The following UMODL1 variants were observed in gnomAD, a reference collection of about 807,000 sequenced individuals.
UMODL1 encodes uromodulin like 1.
A neutral mutation model predicts 136.3 loss-of-function variants in UMODL1; 128 were observed. The observed-to-expected ratio is 0.94, with a 90% CI of 0.81 to 1.09. The LOEUF (loss-of-function observed/expected upper bound fraction) is 1.09, where lower values mean the gene tolerates loss of function less well. UMODL1 is among the 50% of genes least tolerant of loss of function. The pLI, the probability that UMODL1 is intolerant of heterozygous loss-of-function variation, is 0.00. For synonymous variants in UMODL1, 721 were observed against 720.0 expected (o/e 1.00, Z -0.02); for missense variants, 1,766 against 1,725.6 (o/e 1.02, Z -0.41).
Position 42,110,935 on chromosome 21 carries a change from C to T in UMODL1, c.1713C>T (p.Val571=), listed in dbSNP as rs753240215. 9.9e-6 allele frequency: 16 copies of T among 1,612,792 alleles called. No homozygotes were observed. The highest frequency in any genetic ancestry group is 8.5e-7 in the Non-Finnish European group (1 of 1,179,744). The change falls in exon 11 of 23, where the codon GTC becomes GTT. Residue 571 remains valine (V), a synonymous_variant. Transcript: ENST00000408910. The part of the protein sequence containing the change: ...GGLSAATGVT[V]PGLGTGTAAL... The stretch of plus-strand genomic sequence containing the variant: ...TGTCTGCGGCAACAGGGGTAACGGT[C>T]CCAGGTCTTGGCACGGGAACAGCAG...
intron 21 of UMODL1, 118 bp downstream of exon 21, chr21:42,129,915 A>G: frequency 1.4e-6 from 1 of 738,392 alleles, no homozygotes. Flanking sequence ...GACTTCTAAG[A>G]GGCTTATCAT....
chr21:42,066,052 C>T (rs2066180482), intron 1 of UMODL1, among the ~76,000 whole-genome samples: 1 of 152,218 alleles, frequency 6.6e-6, no homozygotes, highest in Admixed American at 6.5e-5. Flanking sequence ...GATCGTGGTG[C>T]TAATGCGGTT....
intron 1 of UMODL1, among the ~76,000 whole-genome samples, chr21:42,074,247 C>T (rs922933812): frequency 3.9e-5 from 6 of 152,180 alleles, no homozygotes; most frequent in Non-Finnish European, 7.3e-5. Flanking sequence ...GTAGAAGCAT[C>T]ACCCTGGTCT....
rs780551397 is a variant in UMODL1, at chr21:42,076,215, G to T, written c.287G>T (p.Gly96Val). 1.8e-5 allele frequency: 29 copies of T among 1,614,254 alleles called. No homozygotes were observed. The highest frequency in any genetic ancestry group is 2.4e-5 in the Non-Finnish European group (28 of 1,180,044). The change falls in exon 2 of 23, where the codon GGC becomes GTC. Residue 96 changes from glycine (G) to valine (V), a missense_variant. Physicochemically the swap from Gly to Val is moderately radical, Grantham distance 109 (BLOSUM62 -3). Coordinates refer to ENST00000408910, the MANE Select transcript of UMODL1 (RefSeq NM_001004416.3). The part of the protein sequence containing the change: ...ESRNVTDCCE[G>V]YEQLGLYCVL... The stretch of plus-strand genomic sequence containing the variant: ...AGGAACGTGACTGACTGCTGTGAGG[G>T]CTATGAACAGCTCGGCCTCTACTGT...
At chr21:42,135,872 T>C (rs918410855) in intron 21 of UMODL1, among the ~76,000 whole-genome samples, 8 of 152,160 alleles carry the variant, frequency 5.3e-5, no homozygotes, top group Middle Eastern at 3.2e-3. Context: ...TGACGCTCCA[T>C]GCTGTTCCCT....
At chr21:42,071,241 T>C, upstream of UMODL1, 1 of 1,384,050 alleles carries the variant, frequency 7.2e-7, no homozygotes, top group Non-Finnish European at 9.5e-7. Context: ...CTCAGGCCCC[T>C]ATGAGCCCTG....
At chr21:42,104,156 T>G in intron 9 of UMODL1, 69 bp downstream of exon 9, 1 of 1,445,936 alleles carries the variant, frequency 6.9e-7, no homozygotes, top group South Asian at 1.3e-5. Context: ...TGACTTTATT[T>G]GAGTCAGTCT....
intron 1 of UMODL1, 131 bp from the exon 2 acceptor site, chr21:42,075,874 C>T: frequency 7.2e-7 from 1 of 1,380,370 alleles, no homozygotes. Flanking sequence ...TGGTGGGCAG[C>T]TTCTGAGAGG....
intron 8 of UMODL1, 84 bp from the exon 9 acceptor site, chr21:42,103,784 C>T (rs1299076585): frequency 2.0e-6 from 3 of 1,494,742 alleles, no homozygotes; most frequent in Non-Finnish European, 2.8e-6. Flanking sequence ...TGGCTCCAAG[C>T]ACCATCCATC....
intron 2 of UMODL1, among the ~76,000 whole-genome samples, chr21:42,082,156 T>A (rs1326895692): frequency 1.3e-5 from 2 of 152,158 alleles, no homozygotes; most frequent in East Asian, 1.9e-4. Context: ...GCTCTCTGCA[T>A]ATTCCGTGAC....
chr21:42,121,371 G>A, intron 16 of UMODL1, 147 bp downstream of exon 16: 1 of 634,436 alleles, frequency 1.6e-6, no homozygotes, highest in South Asian at 2.2e-5. Context: ...GGGTGCACGT[G>A]TGTGTGTGTG....
intron 10 of UMODL1, among the ~76,000 whole-genome samples, chr21:42,110,579 A>G (rs751557504): frequency 2.6e-5 from 4 of 152,200 alleles, no homozygotes; most frequent in Non-Finnish European, 5.9e-5. Flanking sequence ...TCTGAGGCCT[A>G]TGAGAACCAA....
Position 42,102,170 on chromosome 21 carries a change from C to G in UMODL1, c.1191C>G (p.Ala397=). Reference sequence around the variant, plus strand: ...TTGTTTCACTGTCTGTCTCAGATGCCCAGGTATTTGAAGTCACAATAAAGA... The same window carrying G: ...TTGTTTCACTGTCTGTCTCAGATGCGCAGGTATTTGAAGTCACAATAAAGA... ...VSTTLTIKTN[A]QVFEVTIKIV... The change falls in exon 8 of 23, where the codon GCC becomes GCG. Residue 397 remains alanine (A), a synonymous_variant. Transcript: ENST00000408910. 1 of 1,611,016 alleles carries G rather than the reference C, an allele frequency of 6.2e-7. No homozygotes were observed. The highest frequency in any genetic ancestry group is 2.2e-5 in the East Asian group (1 of 44,816).
At chr21:42,094,122 T>C in intron 6 of UMODL1, 1 of 375,772 alleles carries the variant, frequency 2.7e-6, no homozygotes, top group South Asian at 2.0e-5. Context: ...CTCTGCCGTG[T>C]TGCTTGGCAC....
intron 14 of UMODL1, among the ~76,000 whole-genome samples, chr21:42,118,439 A>G (rs987899194): frequency 6.6e-6 from 1 of 152,242 alleles, no homozygotes; most frequent in Admixed American, 6.5e-5. Flanking sequence ...GAAGCTCATT[A>G]TAAGATTGTT....
chr21:42,120,820 G>GGGAT, intron 15 of UMODL1: 1 of 329,032 alleles, frequency 3.0e-6, no homozygotes, highest in African/African-American at 2.1e-5. Context: ...GGGAACTGAA[G>GGGAT]GGATGGCCCT....
Position 42,122,998 on chromosome 21 carries a change from G to A in UMODL1, c.2995G>A (p.Val999Ile), listed in dbSNP as rs902146857. The A allele has an allele frequency of 6.2e-7, 1 of 1,614,112 alleles. No individual in the cohort carries two copies. The highest frequency in any genetic ancestry group is 8.5e-7 in the Non-Finnish European group (1 of 1,180,034). ...GGTGCTCTGTGAGATCGAGAAGGTG[G>A]TTGTCGCCATCCAGAAGCGCTTCCT... is the stretch of plus-strand genomic sequence containing the variant. Reference protein sequence around the residue: ...VRVLCEIEKVVVAIQKRFLQQ... With the variant: ...VRVLCEIEKVIVAIQKRFLQQ... The change falls in exon 17 of 23, where the codon GTT becomes ATT. Residue 999 changes from valine (V) to isoleucine (I), a missense_variant. Physicochemically the swap from Val to Ile is conservative, Grantham distance 29. Transcript: ENST00000408910. This position sits in a 1 kb window ranked among gnomAD's most constrained non-coding sequence, Gnocchi z 4.3.
chr21:42,112,527 C>T (rs993975667), intron 12 of UMODL1, among the ~76,000 whole-genome samples: 6 of 151,202 alleles, frequency 4.0e-5, no homozygotes, highest in Non-Finnish European at 7.4e-5. Context: ...GATTCTGTAT[C>T]TCCCCAGCTG....
At chr21:42,069,990 G>A (rs530512133), upstream of UMODL1, among the ~76,000 whole-genome samples, 1 of 152,224 alleles carries the variant, frequency 6.6e-6, no homozygotes, top group African/African-American at 2.4e-5. Flanking sequence ...AAGGACACCC[G>A]TTGTACGCAG....
Sources: gnomAD v4.1 joint callset for allele counts (sites outside exome capture counted in the v4.1 genomes callset) on GRCh38, gnomAD v4.1.1 for gene constraint, Gnocchi (gnomAD v3.1) non-coding constraint, MANE v1.5 for transcripts, NCBI Gene and HGNC (gene_info 2026-07-23, HGNC 2026-07-21) for gene names.